Variants in CSMD2 observed in about 807,000 individuals in gnomAD.
CSMD2 encodes the protein CUB and sushi domain-containing protein 2.
Under a neutral mutation model 398.5 loss-of-function variants are expected in CSMD2, and 130 were observed. The observed-to-expected ratio is 0.33, with a 90% CI of 0.28 to 0.38. CSMD2 has a LOEUF of 0.38. CSMD2 is among the 10% of genes least tolerant of loss of function. The probability of loss-of-function intolerance (pLI) is 1.00; values close to 1 mark genes in which losing one functional copy is unlikely to be tolerated. For synonymous variants in CSMD2, 1,828 were observed against 1,908.5 expected, an observed-to-expected ratio of 0.96 and a Z score of 1.10; for missense variants, 3,829 against 4,764.9, an observed-to-expected ratio of 0.80 and a Z score of 5.78.
At chr1:34,045,021 G>T (rs1352838507) in intron 2 of CSMD2, among the ~76,000 whole-genome samples, 3 of 141,784 alleles carry the variant, frequency 2.1e-5, no homozygotes, top group Non-Finnish European at 4.5e-5. Flanking sequence ...ATGGACATTA[G>T]TCATAATCAC....
intron 60 of CSMD2, among the ~76,000 whole-genome samples, chr1:33,539,423 A>C (rs1362291517): frequency 1.3e-5 from 2 of 152,234 alleles, no homozygotes; most frequent in Non-Finnish European, 2.9e-5. Context: ...ATAGATCAGT[A>C]AATATTGATA....
intron 5 of CSMD2, among the ~76,000 whole-genome samples, chr1:33,850,808 C>A (rs1040965500): frequency 6.6e-6 from 1 of 151,772 alleles, no homozygotes; most frequent in African/African-American, 2.4e-5. Flanking sequence ...TTAATGGAAT[C>A]TGGCTTGGGA....
At chr1:34,035,726 A>G (rs749753883) in intron 2 of CSMD2, among the ~76,000 whole-genome samples, 2 of 149,924 alleles carry the variant, frequency 1.3e-5, no homozygotes, top group African/African-American at 4.9e-5. Flanking sequence ...TGAAGTTGAT[A>G]AAGAACATCT....
intron 3 of CSMD2, among the ~76,000 whole-genome samples, chr1:33,988,407 C>T (rs1336155932): frequency 6.6e-6 from 1 of 152,152 alleles, no homozygotes; most frequent in Non-Finnish European, 1.5e-5. Context: ...CCTTAACAGC[C>T]CATCTGCAGA....
chr1:34,052,570 A>C (rs2148229025), intron 2 of CSMD2, among the ~76,000 whole-genome samples: 1 of 150,550 alleles, frequency 6.6e-6, no homozygotes, highest in East Asian at 2.0e-4. Context: ...TATAGGATCT[A>C]TTGAGTATCC....
At chr1:34,052,194 C>CA (rs1026226396) in intron 2 of CSMD2, among the ~76,000 whole-genome samples, 3 of 151,334 alleles carry the variant, frequency 2.0e-5, no homozygotes, top group African/African-American at 7.3e-5. Context: ...CACACACACA[C>CA]ATCACACATA....
intron 1 of CSMD2, among the ~76,000 whole-genome samples, chr1:34,128,939 C>T (rs1162811360): frequency 6.6e-6 from 1 of 152,152 alleles, no homozygotes; most frequent in East Asian, 1.9e-4. Context: ...GCAGAATTCA[C>T]ACCTGTGCAC....
At chr1:33,913,048 G>A (rs1460926142) in intron 5 of CSMD2, among the ~76,000 whole-genome samples, 1 of 152,130 alleles carries the variant, frequency 6.6e-6, no homozygotes, top group East Asian at 1.9e-4. Context: ...CTAGACTCAA[G>A]TGATCCACCC....
chr1:33,786,951 G>C (rs1653609356), intron 12 of CSMD2, among the ~76,000 whole-genome samples: 1 of 152,188 alleles, frequency 6.6e-6, no homozygotes, highest in Non-Finnish European at 1.5e-5. Flanking sequence ...TTATAAATGT[G>C]ATCTTATTTG....
In CSMD2 at chr1:33,639,749, C is replaced by T. The variant is rs562862210; in HGVS notation, c.4775-3195G>A. On this transcript the variant is annotated intron_variant, in intron 29 of 70. Transcript: ENST00000373381. ...AGACTCTATTCTATATTTACTCACACGTAAGAGAAAGATGAGCTCATCATC... is the reference window on the plus strand; with the variant it reads ...AGACTCTATTCTATATTTACTCACATGTAAGAGAAAGATGAGCTCATCATC... 1.1e-4 allele frequency among the ~76,000 whole-genome samples: 16 copies of T among 152,264 alleles called. No individual in the cohort carries two copies. The South Asian group carries it at 1.2e-3, about 12-fold the overall frequency.
At chr1:33,792,339 G>C in intron 11 of CSMD2, 84 bp downstream of exon 11, 1 of 872,386 alleles carries the variant, frequency 1.1e-6, no homozygotes, top group East Asian at 2.4e-5. Context: ...TATGGTCTAG[G>C]GACCAGGCAG....
chr1:33,824,444 C>T (rs1262816737), intron 7 of CSMD2, among the ~76,000 whole-genome samples: 2 of 152,208 alleles, frequency 1.3e-5, no homozygotes, highest in Non-Finnish European at 2.9e-5. Flanking sequence ...TATCCAACAG[C>T]CTGTGGCAAC....
chr1:33,607,479 G>A (rs1640694789), intron 41 of CSMD2, among the ~76,000 whole-genome samples: 1 of 152,190 alleles, frequency 6.6e-6, no homozygotes, highest in South Asian at 2.1e-4. Flanking sequence ...AGTGGTCAGA[G>A]CTTGCTTACG....
At chr1:33,933,943 G>A (rs1434128930) in intron 4 of CSMD2, among the ~76,000 whole-genome samples, 1 of 152,066 alleles carries the variant, frequency 6.6e-6, no homozygotes, top group East Asian at 1.9e-4. Context: ...CTTGCCTATT[G>A]GGAGGGAATT....
chr1:33,701,268 G>A (rs1211970060), intron 22 of CSMD2, among the ~76,000 whole-genome samples: 1 of 152,164 alleles, frequency 6.6e-6, no homozygotes, highest in African/African-American at 2.4e-5. Flanking sequence ...CTCCTAAAAT[G>A]AGGGCTCCAG....
At chr1:33,543,936 T>C (rs1321884496) in intron 57 of CSMD2, among the ~76,000 whole-genome samples, 1 of 152,166 alleles carries the variant, frequency 6.6e-6, no homozygotes, top group Non-Finnish European at 1.5e-5. Flanking sequence ...GATCTAAAGA[T>C]ATTTTTTATG....
chr1:33,711,676 C>T (rs1229677274), intron 21 of CSMD2, among the ~76,000 whole-genome samples: 1 of 152,234 alleles, frequency 6.6e-6, no homozygotes, highest in Non-Finnish European at 1.5e-5. Flanking sequence ...CTCTTGCCCT[C>T]TGCCTAATTC....
intron 4 of CSMD2, among the ~76,000 whole-genome samples, chr1:33,919,093 A>C (rs7551966): frequency 6.6e-6 from 1 of 151,680 alleles, no homozygotes; most frequent in Non-Finnish European, 1.5e-5. Context: ...TATCACCAAA[A>C]CCACCACAGT....
At chr1:34,088,744 C>CTTGTTTTTCT (rs1289425886) in intron 2 of CSMD2, among the ~76,000 whole-genome samples, 4 of 152,080 alleles carry the variant, frequency 2.6e-5, no homozygotes, top group Non-Finnish European at 4.4e-5. Context: ...TGTCTAGAAC[C>CTTGTTTTTCT]CTCTTGTGTT....
Sources: allele counts gnomAD v4.1 joint callset (sites outside exome capture counted in the v4.1 genomes callset), GRCh38; gene constraint gnomAD v4.1.1; transcripts MANE v1.5; gene names NCBI Gene and HGNC (gene_info 2026-07-23, HGNC 2026-07-21).